The following ATP13A4 variants were observed in gnomAD, a reference collection of about 807,000 sequenced individuals.
The protein encoded by ATP13A4 is probable cation-transporting ATPase 13A4.
In ATP13A4, 114 loss-of-function variants were observed where a neutral mutation model predicts 142.5. That is an observed-to-expected ratio of 0.80 (90% CI 0.69 to 0.93). The LOEUF is 0.93. ATP13A4 is among the 40% of genes least tolerant of loss of function. The probability of loss-of-function intolerance (pLI) is 0.00; values close to 1 mark genes in which losing one functional copy is unlikely to be tolerated. For missense variants in ATP13A4, 1,392 were observed against 1,454.0 expected (o/e 0.96, Z 0.69); for synonymous variants, 488 against 514.8 (o/e 0.95, Z 0.70).
Position 193,466,169 on chromosome 3 carries a change from T to C in ATP13A4, c.1128A>G (p.Ala376=), listed in dbSNP as rs773803779. ...AVVLQTGFNT[A]KGDLVRSILY... is the part of the protein sequence containing the mutation. Reference sequence around the variant, plus strand: ...GAATGGATCTCACAAGGTCTCCCTTTGCAGTGTTGAATCCTGGAACAACAA... The same window carrying C: ...GAATGGATCTCACAAGGTCTCCCTTCGCAGTGTTGAATCCTGGAACAACAA... The change falls in exon 11 of 30, where the codon GCA becomes GCG. Residue 376 remains alanine (A), a synonymous_variant. Transcript: ENST00000342695. The C allele has an allele frequency of 1.9e-6, 3 of 1,613,986 alleles. No individual in the cohort carries two copies. The highest frequency in any genetic ancestry group is 4.5e-5 in the East Asian group (2 of 44,880).
intron 7 of ATP13A4, among the ~76,000 whole-genome samples, chr3:193,484,310 A>AAAT (rs369725963): frequency 6.9e-6 from 1 of 144,532 alleles, no homozygotes; most frequent in Non-Finnish European, 1.5e-5. Flanking sequence ...ACTCTGTCTC[A>AAAT]AAATAAATAA....
At chr3:193,517,962 T>C (rs900050521) in intron 1 of ATP13A4, among the ~76,000 whole-genome samples, 7 of 152,238 alleles carry the variant, frequency 4.6e-5, no homozygotes, top group Admixed American at 2.6e-4. Flanking sequence ...TCAACATGAA[T>C]GACCTAATCT....
intron 18 of ATP13A4, 65 bp downstream of exon 18, chr3:193,448,141 T>C: frequency 5.0e-6 from 8 of 1,600,180 alleles, no homozygotes; most frequent in East Asian, 4.5e-5. Context: ...ATTTATTAAA[T>C]GAGTGAACCA....
chr3:193,583,453 T>C (rs527309700), intron 1 of ATP13A4, among the ~76,000 whole-genome samples: 2 of 151,478 alleles, frequency 1.3e-5, no homozygotes, highest in East Asian at 3.9e-4. Context: ...ATAAAATAAA[T>C]AAATAAATAG....
Position 193,402,568 on chromosome 3 carries a change from A to C in ATP13A4, c.*84T>G. The stretch of plus-strand genomic sequence containing the variant: ...GCCCCAAAACTCCAGCTGATGTTAC[A>C]AGAGTCTCATTTCTTAAAATCAATG... On this transcript the variant is annotated 3_prime_UTR_variant, in exon 30 of 30. Transcript: ENST00000342695. 1 of 751,824 alleles carries C rather than the reference A, an allele frequency of 1.3e-6. No individual in the cohort carries two copies. The highest frequency in any genetic ancestry group is 2.4e-6 in the Non-Finnish European group (1 of 408,932). The allele number at this position is 751,824 out of a possible 1,614,324, so 46.6% of individuals were successfully genotyped here.
chr3:193,531,302 GGA>G (rs1560262188), intron 1 of ATP13A4, among the ~76,000 whole-genome samples: 1,914 of 104,830 alleles, frequency 0.018, 18 homozygotes, highest in Non-Finnish European at 0.025. Flanking sequence ...GAGGGAGGAA[GGA>G]AGGAAGGAAG....
At chr3:193,582,314 A>T (rs1724565410) in intron 1 of ATP13A4, among the ~76,000 whole-genome samples, 1 of 149,432 alleles carries the variant, frequency 6.7e-6, no homozygotes, top group Non-Finnish European at 1.5e-5. Flanking sequence ...ACGCCCAGCT[A>T]ATTTTTTTAT....
At chr3:193,478,392 A>C (rs756466500) in intron 8 of ATP13A4, among the ~76,000 whole-genome samples, 16 of 152,046 alleles carry the variant, frequency 1.1e-4, no homozygotes, top group Middle Eastern at 3.2e-3. Context: ...ATTAACCAAG[A>C]AAAGAAGACA....
chr3:193,564,047 C>T (rs867888364), intron 2 of ATP13A4, among the ~76,000 whole-genome samples: 1 of 152,194 alleles, frequency 6.6e-6, no homozygotes, highest in South Asian at 2.1e-4. Context: ...ATTCATCTTT[C>T]TTATTTTTAG....
At chr3:193,551,263 A>G (rs545658628) in intron 1 of ATP13A4, among the ~76,000 whole-genome samples, 2 of 152,158 alleles carry the variant, frequency 1.3e-5, no homozygotes, top group Non-Finnish European at 2.9e-5. Context: ...AATACAAAAA[A>G]TTAGCCAGGC....
Position 193,401,936 on chromosome 3 carries a change from T to C in ATP13A4, c.*716A>G, listed in dbSNP as rs1714275903. ...AGCCCACACGTGATCTCCAGTCTATTCCTTCCCCCATCACAGTCAACACAC... is the reference window on the plus strand; with the variant it reads ...AGCCCACACGTGATCTCCAGTCTATCCCTTCCCCCATCACAGTCAACACAC... On this transcript the variant is annotated 3_prime_UTR_variant, in exon 30 of 30. Coordinates refer to ENST00000342695, the MANE Select transcript of ATP13A4 (RefSeq NM_032279.4). The C allele has an allele frequency of 6.6e-6, 1 of 152,320 alleles. No individual in the cohort carries two copies. Among genetic ancestry groups the C allele is most frequent in the African/African-American group, 2.4e-5 (1 of 41,440 alleles). The allele number at this position is 152,320 out of a possible 1,614,324, so 9.4% of individuals were successfully genotyped here. A position where few individuals can be genotyped will look rare whatever the true frequency, so the allele number is the denominator to read the frequency against.
intron 1 of ATP13A4, among the ~76,000 whole-genome samples, chr3:193,551,848 A>G (rs2108729276): frequency 6.6e-6 from 1 of 152,322 alleles, no homozygotes; most frequent in East Asian, 1.9e-4. Context: ...TTCTCCCTCC[A>G]AAAGCTTCTT....
At chr3:193,532,588 G>A (rs1722392756) in intron 1 of ATP13A4, among the ~76,000 whole-genome samples, 1 of 151,806 alleles carries the variant, frequency 6.6e-6, no homozygotes. Context: ...GTACAAAATT[G>A]ATAGAATCAT....
intron 1 of ATP13A4, among the ~76,000 whole-genome samples, chr3:193,582,305 C>G (rs570776831): frequency 1.3e-5 from 2 of 149,612 alleles, no homozygotes; most frequent in African/African-American, 4.9e-5. Flanking sequence ...CACACCACTA[C>G]GCCCAGCTAA....
chr3:193,439,299 T>C (rs1455645256), intron 21 of ATP13A4, among the ~76,000 whole-genome samples: 3 of 152,152 alleles, frequency 2.0e-5, no homozygotes, highest in Non-Finnish European at 4.4e-5. Context: ...TGCACATCAC[T>C]GCGTAGGGAG....
At chr3:193,465,220 T>C in intron 11 of ATP13A4, 92 bp from the exon 12 acceptor site, 2 of 1,361,554 alleles carry the variant, frequency 1.5e-6, no homozygotes, top group Non-Finnish European at 2.0e-6. Flanking sequence ...GGAGTTTTGC[T>C]CTTGTCGCCC....
Position 193,475,382 on chromosome 3 carries a change from T to C in ATP13A4, c.809-4389A>G, listed in dbSNP as rs574073086. On this transcript the variant is annotated intron_variant, in intron 8 of 29. Coordinates refer to ENST00000342695, the MANE Select transcript of ATP13A4 (RefSeq NM_032279.4). ...GAAACATAGTTACGTATGTAAAATA[T>C]ACGCAGCAGGAAATACAGTTAAATA... 5.8e-4 allele frequency among the ~76,000 whole-genome samples: 88 copies of C among 152,108 alleles called. 2 individuals are homozygous for C. The South Asian group carries it at 0.018, about 32-fold the overall frequency.
At chr3:193,473,444 A>C (rs977260860) in intron 8 of ATP13A4, among the ~76,000 whole-genome samples, 1 of 152,218 alleles carries the variant, frequency 6.6e-6, no homozygotes, top group African/African-American at 2.4e-5. Context: ...TTTGGCAACT[A>C]TCAAAGTAAT....
At chr3:193,489,700 T>G (rs1719835468) in intron 7 of ATP13A4, 30 bp downstream of exon 7, 1 of 1,589,514 alleles carries the variant, frequency 6.3e-7, no homozygotes, top group African/African-American at 1.3e-5. Context: ...CTTCCCTTTA[T>G]GAAACCATAG....
Sources: allele counts gnomAD v4.1 joint callset (sites outside exome capture counted in the v4.1 genomes callset), GRCh38; gene constraint gnomAD v4.1.1; transcripts MANE v1.5; gene names NCBI Gene and HGNC (gene_info 2026-07-23, HGNC 2026-07-21).